AGBL4: variants seen among roughly 807,000 people sequenced by gnomAD.
AGBL4 encodes AGBL carboxypeptidase 4, also known as cytosolic carboxypeptidase 6.
Under a neutral mutation model 66.4 loss-of-function variants are expected in AGBL4, and 58 were observed. That is an observed-to-expected ratio of 0.87 (90% CI 0.71 to 1.09). AGBL4 has a LOEUF of 1.09. Ranked by LOEUF, AGBL4 falls within the 50% of genes least tolerant of loss-of-function variation. AGBL4 has a pLI of 0.00. For missense variants in AGBL4, 579 were observed against 631.0 expected (o/e 0.92, Z 0.88); for synonymous variants, 234 against 222.9 (o/e 1.05, Z -0.44).
At chr1:49,048,142 A>C (rs1445779574) in intron 4 of AGBL4, among the ~76,000 whole-genome samples, 1 of 152,024 alleles carries the variant, frequency 6.6e-6, no homozygotes, top group Admixed American at 6.6e-5. Flanking sequence ...TGACGGTCTG[A>C]GTTTGAGTCT....
At chr1:48,677,097 T>G (rs1288769054) in intron 6 of AGBL4, among the ~76,000 whole-genome samples, 1 of 152,142 alleles carries the variant, frequency 6.6e-6, no homozygotes, top group Non-Finnish European at 1.5e-5. Flanking sequence ...CCCCAGTAAG[T>G]GGCTGGGGCT....
In AGBL4 at chr1:49,108,574, C is replaced by A. The variant is rs191464467; in HGVS notation, c.378-62774G>T. On this transcript the variant is annotated intron_variant, in intron 4 of 13. Transcript: ENST00000371839. ...AAGTAATGGTTCTGGAAGTACAAGG[C>A]CTCATACTGCCATCAGAGTGAGCAA... 7.2e-5 allele frequency among the ~76,000 whole-genome samples: 11 copies of A among 152,246 alleles called. 1 individual carries two copies. In the East Asian group the frequency reaches 2.1e-3, roughly 29 times the overall value.
chr1:49,323,840 T>C (rs1256400472), intron 3 of AGBL4, among the ~76,000 whole-genome samples: 1 of 152,024 alleles, frequency 6.6e-6, no homozygotes, highest in Non-Finnish European at 1.5e-5. Context: ...AAGATACCTA[T>C]AGAGGAAGCC....
chr1:49,402,302 T>G (rs1259328375), intron 3 of AGBL4, among the ~76,000 whole-genome samples: 1 of 152,196 alleles, frequency 6.6e-6, no homozygotes, highest in Non-Finnish European at 1.5e-5. Flanking sequence ...CTTTTTGGTG[T>G]AGGCATGTAT....
intron 3 of AGBL4, among the ~76,000 whole-genome samples, chr1:49,650,811 G>T (rs930291244): frequency 2.0e-5 from 3 of 152,156 alleles, no homozygotes; most frequent in African/African-American, 7.2e-5. Context: ...GGTACTAGTG[G>T]CCAGAAACAG....
At chr1:49,804,830 C>T (rs925452335) in intron 2 of AGBL4, among the ~76,000 whole-genome samples, 8 of 152,216 alleles carry the variant, frequency 5.3e-5, no homozygotes, top group East Asian at 3.9e-4. Context: ...TTCCTGGTGA[C>T]GAAGTCAATC....
At chr1:49,873,947 C>A (rs559808715) in intron 1 of AGBL4, among the ~76,000 whole-genome samples, 1 of 151,930 alleles carries the variant, frequency 6.6e-6, no homozygotes, top group Non-Finnish European at 1.5e-5. Flanking sequence ...TTTCAAAAAA[C>A]AAGAAAATTA....
At chr1:48,898,096 C>G (rs2148865129) in intron 5 of AGBL4, among the ~76,000 whole-genome samples, 1 of 152,046 alleles carries the variant, frequency 6.6e-6, no homozygotes, top group Middle Eastern at 3.4e-3. Context: ...TAGGTGTGAG[C>G]CACCCCACCC....
At chr1:48,994,414 C>T (rs1159039352) in intron 5 of AGBL4, among the ~76,000 whole-genome samples, 1 of 152,118 alleles carries the variant, frequency 6.6e-6, no homozygotes, top group African/African-American at 2.4e-5. Context: ...CTACATTATA[C>T]CATAGGTATA....
chr1:49,016,247 G>T (rs1662816409), intron 5 of AGBL4, among the ~76,000 whole-genome samples: 1 of 152,180 alleles, frequency 6.6e-6, no homozygotes, highest in Non-Finnish European at 1.5e-5. Flanking sequence ...CATGCCAGTG[G>T]GGCTGTCCAG....
intron 3 of AGBL4, among the ~76,000 whole-genome samples, chr1:49,412,480 C>T (rs1044852015): frequency 3.3e-5 from 5 of 152,050 alleles, no homozygotes; most frequent in African/African-American, 1.2e-4. Context: ...TATATGAATT[C>T]GGGGAGGAGG....
rs182785058 is a variant in AGBL4, at chr1:49,408,863, C to A, written c.283-162999G>T. 2.3e-3 allele frequency among the ~76,000 whole-genome samples: 355 copies of A among 152,296 alleles called. 1 individual carries two copies. Among genetic ancestry groups the A allele is most frequent in the Non-Finnish European group, 4.4e-3 (297 of 68,024 alleles). ...CTATTGTGGGACTTCACTTTGTGAT[C>A]GTGTGAGTCAATACTCCTTAATAAA... On this transcript the variant is annotated intron_variant, in intron 3 of 13. Coordinates refer to ENST00000371839, the MANE Select transcript of AGBL4 (RefSeq NM_032785.4).
chr1:49,951,087 G>C (rs540491041), intron 1 of AGBL4, among the ~76,000 whole-genome samples: 21 of 151,594 alleles, frequency 1.4e-4, no homozygotes, highest in Non-Finnish European at 2.8e-4. Context: ...GGGGATAGAG[G>C]GGAATCAAGA....
At chr1:48,701,019 G>A (rs1339964793) in intron 6 of AGBL4, among the ~76,000 whole-genome samples, 4 of 152,160 alleles carry the variant, frequency 2.6e-5, no homozygotes, top group African/African-American at 7.2e-5. Context: ...GAAGTGCAGC[G>A]TGAACATTCT....
chr1:48,620,366 C>T (rs1452132625), intron 9 of AGBL4, among the ~76,000 whole-genome samples: 1 of 152,150 alleles, frequency 6.6e-6, no homozygotes, highest in Non-Finnish European at 1.5e-5. Flanking sequence ...AAACAATCCC[C>T]ACTGAGCTCA....
chr1:48,922,921 CTATA>C (rs144370717), intron 5 of AGBL4, among the ~76,000 whole-genome samples: 1 of 148,658 alleles, frequency 6.7e-6, no homozygotes, highest in East Asian at 2.0e-4. Flanking sequence ...ATGTTCTCAA[CTATA>C]TATATATATA....
intron 4 of AGBL4, among the ~76,000 whole-genome samples, chr1:49,238,216 T>G (rs1187727654): frequency 6.6e-6 from 1 of 152,200 alleles, no homozygotes; most frequent in African/African-American, 2.4e-5. Flanking sequence ...TGTAGGTTTA[T>G]GTGTTTTGCA....
intron 5 of AGBL4, among the ~76,000 whole-genome samples, chr1:49,007,634 C>T (rs1661973559): frequency 1.3e-5 from 2 of 151,930 alleles, no homozygotes; most frequent in Admixed American, 6.6e-5. Context: ...AGAGAAAGGT[C>T]GGGTTACCCT....
In AGBL4 at chr1:48,648,249, C is replaced by T. The variant is rs554472152; in HGVS notation, c.839+5088G>A. Reference sequence around the variant, plus strand: ...CATCCTCCCAGCCCCTGGTAACCACCGTTCTGCTTTCTGTCTGTATGAATT... The same window carrying T: ...CATCCTCCCAGCCCCTGGTAACCACTGTTCTGCTTTCTGTCTGTATGAATT... On this transcript the variant is annotated intron_variant, in intron 8 of 13. Coordinates refer to ENST00000371839, the MANE Select transcript of AGBL4 (RefSeq NM_032785.4). Among the ~76,000 whole-genome samples, 8 of 152,280 alleles carry T rather than the reference C, an allele frequency of 5.3e-5. No homozygotes were observed. In the South Asian group the frequency reaches 6.2e-4, roughly 12 times the overall value.
Sources: gnomAD v4.1 joint callset for allele counts (sites outside exome capture counted in the v4.1 genomes callset) on GRCh38, gnomAD v4.1.1 for gene constraint, MANE v1.5 for transcripts, NCBI Gene and HGNC (gene_info 2026-07-23, HGNC 2026-07-21) for gene names.